Variants in CAMK1D observed in about 807,000 individuals in gnomAD.
CAMK1D encodes the protein calcium/calmodulin dependent protein kinase ID.
In CAMK1D, 9 loss-of-function variants were observed where a neutral mutation model predicts 47.7. The ratio of observed to expected loss-of-function variants is 0.19; its 90% confidence interval spans 0.11 to 0.33. CAMK1D has a LOEUF of 0.33. Among genes scored for constraint, CAMK1D ranks in the 10% least tolerant of loss-of-function variants. The probability of loss-of-function intolerance (pLI) is 1.00; values close to 1 mark genes in which losing one functional copy is unlikely to be tolerated. For missense variants in CAMK1D, 291 were observed against 488.7 expected (o/e 0.60, Z 3.81); for synonymous variants, 184 against 184.9 (o/e 0.99, Z 0.04).
chr10:12,502,976 TG>T (rs1427818394), intron 1 of CAMK1D, among the ~76,000 whole-genome samples: 5 of 152,342 alleles, frequency 3.3e-5, no homozygotes, highest in Admixed American at 3.3e-4. Flanking sequence ...CTTCATCAGT[TG>T]TGCACTGTTG....
chr10:12,613,621 G>A (rs956735540), intron 2 of CAMK1D, among the ~76,000 whole-genome samples: 1 of 152,188 alleles, frequency 6.6e-6, no homozygotes, highest in Non-Finnish European at 1.5e-5. Context: ...TGGGATTACA[G>A]GCGTCTGACA....
chr10:12,390,129 C>T (rs1318649361), intron 1 of CAMK1D, among the ~76,000 whole-genome samples: 2 of 152,138 alleles, frequency 1.3e-5, no homozygotes, highest in African/African-American at 4.8e-5. Context: ...TTTTATAAAG[C>T]GCTTGTACTG....
intron 1 of CAMK1D, among the ~76,000 whole-genome samples, chr10:12,514,930 A>G (rs1295077094): frequency 6.6e-6 from 1 of 152,212 alleles, no homozygotes; most frequent in Non-Finnish European, 1.5e-5. Flanking sequence ...GGCTCACTGC[A>G]GCCTCTGCCT....
At chr10:12,772,644 G>A (rs899409665) in intron 5 of CAMK1D, among the ~76,000 whole-genome samples, 1 of 152,222 alleles carries the variant, frequency 6.6e-6, no homozygotes, top group Admixed American at 6.5e-5. Context: ...GCACTGACGT[G>A]TCGGGAATGG....
intron 3 of CAMK1D, among the ~76,000 whole-genome samples, chr10:12,749,701 C>A (rs1243569158): frequency 6.6e-6 from 1 of 151,994 alleles, no homozygotes; most frequent in African/African-American, 2.4e-5. Context: ...TGGGATTACA[C>A]GTGCCCACCA....
At chr10:12,490,507 G>A (rs1362056573) in intron 1 of CAMK1D, among the ~76,000 whole-genome samples, 1 of 152,162 alleles carries the variant, frequency 6.6e-6, no homozygotes, top group Admixed American at 6.5e-5. Context: ...TTCTTAAAGT[G>A]ATAGAATTAG....
At position 12,652,397 on chromosome 10, in the gene CAMK1D, C is replaced by T. The variant is rs1183298859; in HGVS notation, c.225-14339C>T. Among the ~76,000 whole-genome samples the T allele has an allele frequency of 1.3e-4, 18 of 136,210 alleles. 1 individual carries two copies. The highest frequency in any genetic ancestry group is 2.2e-4 in the East Asian group (1 of 4,584). The allele number at this position is 136,210 out of a possible 152,430, so 89.4% of individuals were successfully genotyped here. ...GAGATCAAGACCATCCTGGCTAACA[C>T]GGTGAAACCCCGTCACTACTAAAAA... On this transcript the variant is annotated intron_variant, in intron 2 of 10. Coordinates refer to ENST00000619168, the MANE Select transcript of CAMK1D (RefSeq NM_153498.4).
chr10:12,736,389 C>T (rs1203183730), intron 3 of CAMK1D, among the ~76,000 whole-genome samples: 2 of 152,260 alleles, frequency 1.3e-5, no homozygotes, highest in Admixed American at 6.5e-5. Flanking sequence ...AGATAAGCAT[C>T]GTAATTGTGT....
At chr10:12,810,146 CT>C in intron 6 of CAMK1D, among the ~76,000 whole-genome samples, 1 of 47,552 alleles carries the variant, frequency 2.1e-5, no homozygotes, top group Admixed American at 2.7e-4. Flanking sequence ...GAGACCCTGT[CT>C]CATTAAAAAA....
chr10:12,403,855 C>T (rs1839317803), intron 1 of CAMK1D, among the ~76,000 whole-genome samples: 1 of 151,886 alleles, frequency 6.6e-6, no homozygotes, highest in Non-Finnish European at 1.5e-5. Context: ...GTTGTTTTGG[C>T]CCTGATGTTA....
intron 3 of CAMK1D, among the ~76,000 whole-genome samples, chr10:12,746,096 G>C (rs954489139): frequency 1.3e-5 from 2 of 152,086 alleles, no homozygotes; most frequent in Non-Finnish European, 1.5e-5. Flanking sequence ...CCCGATGCCG[G>C]TGATGCCTGT....
chr10:12,522,211 T>A (rs1222638571), intron 1 of CAMK1D, among the ~76,000 whole-genome samples: 2 of 147,162 alleles, frequency 1.4e-5, no homozygotes, highest in Non-Finnish European at 3.0e-5. Context: ...CTTTTTTTTT[T>A]TTTTTATTGA....
At chr10:12,703,041 C>T (rs1833585064) in intron 3 of CAMK1D, among the ~76,000 whole-genome samples, 1 of 152,158 alleles carries the variant, frequency 6.6e-6, no homozygotes, top group Admixed American at 6.5e-5. Context: ...TACAGTAGGT[C>T]AGAGTTGTTT....
chr10:12,782,596 T>A (rs1250252029), intron 5 of CAMK1D, among the ~76,000 whole-genome samples: 1 of 152,170 alleles, frequency 6.6e-6, no homozygotes, highest in Non-Finnish European at 1.5e-5. Flanking sequence ...AGAAACTTGA[T>A]TACAGTTTGA....
chr10:12,772,784 C>T lies in CAMK1D; in HGVS notation c.565+2985C>T, dbSNP rs2493776. Reference sequence around the variant, plus strand: ...AGAGGAGGACTGTAGCAGTGGCGTTCTTCTATTGGTTTGTGTTGACTGAGC... The same window carrying T: ...AGAGGAGGACTGTAGCAGTGGCGTTTTTCTATTGGTTTGTGTTGACTGAGC... On this transcript the variant is annotated intron_variant, in intron 5 of 10. Transcript: ENST00000619168. Among the ~76,000 whole-genome samples, 1,495 of 152,246 alleles carry T rather than the reference C, an allele frequency of 9.8e-3. 30 individuals carry two copies. The highest frequency in any genetic ancestry group is 0.035 in the African/African-American group (1,441 of 41,534).
chr10:12,546,832 T>G (rs1836390791), intron 1 of CAMK1D, among the ~76,000 whole-genome samples: 1 of 149,372 alleles, frequency 6.7e-6, no homozygotes, highest in Admixed American at 6.6e-5. Context: ...GGGGGAGGGA[T>G]AGCATTAGGA....
intron 1 of CAMK1D, among the ~76,000 whole-genome samples, chr10:12,384,183 ACAT>A (rs1170998544): frequency 6.6e-6 from 1 of 152,218 alleles, no homozygotes; most frequent in African/African-American, 2.4e-5. Flanking sequence ...AAACTACAAA[ACAT>A]CATTGAAAGA....
In CAMK1D at chr10:12,827,462, T is replaced by TTCTTTC. The variant is rs1564594070; in HGVS notation, c.1040-1306_1040-1305insCTTTCT. On this transcript the variant is annotated intron_variant, in intron 10 of 10. Transcript: ENST00000619168. The stretch of plus-strand genomic sequence containing the variant: ...TTCTTTCTTTCTTTCTTTTCTTTCT[T>TTCTTTC]TGTCTGTCTGTCTTTCTTTCTTTCT... 2.5e-4 allele frequency among the ~76,000 whole-genome samples: 3 copies of TTCTTTC among 12,122 alleles called. 1 individual carries two copies. Among genetic ancestry groups the TTCTTTC allele is most frequent in the African/African-American group, 5.7e-4 (3 of 5,258 alleles). 8.0% of individuals were successfully genotyped at this position (12,122 alleles called of 152,430 possible).
At chr10:12,375,697 C>T (rs745743655) in intron 1 of CAMK1D, among the ~76,000 whole-genome samples, 14 of 152,180 alleles carry the variant, frequency 9.2e-5, no homozygotes, top group Non-Finnish European at 1.8e-4. Context: ...TGCTGAATGC[C>T]ATTACTCTAT....
Sources: gnomAD v4.1 joint callset for allele counts (sites outside exome capture counted in the v4.1 genomes callset) on GRCh38, gnomAD v4.1.1 for gene constraint, MANE v1.5 for transcripts, NCBI Gene and HGNC (gene_info 2026-07-23, HGNC 2026-07-21) for gene names.